SLC2A9: variants seen among roughly 807,000 people sequenced by gnomAD.
SLC2A9 encodes solute carrier family 2 member 9.
A neutral mutation model predicts 50.6 loss-of-function variants in SLC2A9; 39 were observed. The observed-to-expected ratio is 0.77, with a 90% CI of 0.60 to 1.01. The LOEUF (loss-of-function observed/expected upper bound fraction) is 1.01. SLC2A9 is among the 50% of genes least tolerant of loss of function. SLC2A9 has a pLI of 0.00. For missense variants in SLC2A9, 686 were observed against 677.6 expected (o/e 1.01, Z -0.14); for synonymous variants, 324 against 276.9 (o/e 1.17, Z -1.69).
chr4:9,792,348 T>G (rs867078534), intron 3 of SLC2A9, among the ~76,000 whole-genome samples: 13 of 151,020 alleles, frequency 8.6e-5, no homozygotes, highest in African/African-American at 3.2e-4. Flanking sequence ...GGATAGTTTT[T>G]TTTTTTTTTT....
chr4:9,968,691 A>C (rs1468973659), intron 5 of SLC2A9, among the ~76,000 whole-genome samples: 1 of 152,204 alleles, frequency 6.6e-6, no homozygotes, highest in Non-Finnish European at 1.5e-5. Context: ...AATACATACA[A>C]GTACTTTTTC....
intron 10 of SLC2A9, among the ~76,000 whole-genome samples, chr4:9,845,671 C>G (rs1051859785): frequency 6.6e-6 from 1 of 151,912 alleles, no homozygotes; most frequent in Non-Finnish European, 1.5e-5. Flanking sequence ...ACCTCGTGAT[C>G]CGCCCGCCTC....
intron 10 of SLC2A9, among the ~76,000 whole-genome samples, chr4:9,835,738 G>A (rs1350530597): frequency 6.6e-6 from 1 of 152,116 alleles, no homozygotes; most frequent in Admixed American, 6.5e-5. Context: ...ACCAAACATC[G>A]TATGTTGTCA....
chr4:9,883,183 A>G (rs1735549688), intron 10 of SLC2A9, among the ~76,000 whole-genome samples: 1 of 151,860 alleles, frequency 6.6e-6, no homozygotes, highest in South Asian at 2.1e-4. Context: ...ATCTGACTCT[A>G]TTATCTTATA....
chr4:9,973,224 A>C (rs1754202216), intron 5 of SLC2A9, among the ~76,000 whole-genome samples: 1 of 152,230 alleles, frequency 6.6e-6, no homozygotes, highest in Non-Finnish European at 1.5e-5. Context: ...GGAAACTCAC[A>C]ATTTCCCAAG....
intron 1 of SLC2A9, chr4:10,035,637 C>A (rs13145442): frequency 0.44 from 66,488 of 151,956 alleles, 16,145 homozygotes; most frequent in South Asian, 0.59. Flanking sequence ...GTGTCTGTGA[C>A]GGCGTTTCTG....
intron 1 of SLC2A9, among the ~76,000 whole-genome samples, chr4:9,774,047 T>G (rs370162885): frequency 1.4e-5 from 2 of 147,470 alleles, no homozygotes; most frequent in East Asian, 2.0e-4. Flanking sequence ...CAGGCTGGAG[T>G]GCAGTGGTGC....
At chr4:9,812,590 C>T (rs578184714) in intron 3 of SLC2A9, among the ~76,000 whole-genome samples, 1 of 151,814 alleles carries the variant, frequency 6.6e-6, no homozygotes, top group African/African-American at 2.4e-5. Flanking sequence ...GTCCTTTCTG[C>T]ATCTAGGTCT....
intron 3 of SLC2A9, among the ~76,000 whole-genome samples, chr4:9,809,769 G>A (rs146471048): frequency 6.6e-6 from 1 of 152,154 alleles, no homozygotes; most frequent in Non-Finnish European, 1.5e-5. Context: ...AATAAATTAC[G>A]GATATTGCTA....
At chr4:9,981,331 T>TG (rs1459931895) in intron 4 of SLC2A9, among the ~76,000 whole-genome samples, 1 of 142,708 alleles carries the variant, frequency 7.0e-6, no homozygotes. Flanking sequence ...ATAGTGATGG[T>TG]GTGGTGGTGG....
At chr4:9,875,259 T>C (rs1734121824) in intron 10 of SLC2A9, among the ~76,000 whole-genome samples, 1 of 148,564 alleles carries the variant, frequency 6.7e-6, no homozygotes, top group African/African-American at 2.5e-5. Context: ...GGATGCTGTG[T>C]CTTTAGAAAT....
intron 5 of SLC2A9, among the ~76,000 whole-genome samples, chr4:9,950,430 C>T (rs1038596118): frequency 1.3e-5 from 2 of 152,190 alleles, no homozygotes; most frequent in Admixed American, 1.3e-4. Flanking sequence ...ATTCCTAAAA[C>T]ATTTTCTATT....
intron 3 of SLC2A9, among the ~76,000 whole-genome samples, chr4:9,819,394 C>T (rs1016576903): frequency 6.6e-6 from 1 of 152,142 alleles, no homozygotes; most frequent in African/African-American, 2.4e-5. Flanking sequence ...TGGGATATCT[C>T]ATTGTAATTT....
In SLC2A9 at chr4:9,996,805, T is replaced by A. The variant is rs1343865224; in HGVS notation, c.386A>T (p.Lys129Met). ...IGGLVGTLIV[K>M]MIGKVLGRKH... is the part of the protein sequence containing the mutation. ...CCTCCCAAGAACCTTTCCAATCATC[T>A]TCACAATTAACGTCCCCACAAGTCC... Residue 129 changes from lysine (K) to methionine (M), a missense_variant, in exon 3 of 12, where the codon AAG becomes ATG. Coordinates refer to ENST00000264784, the MANE Select transcript of SLC2A9 (RefSeq NM_020041.3). 6.2e-7 allele frequency: 1 copy of A among 1,614,000 alleles called. No homozygotes were observed. The highest frequency in any genetic ancestry group is 1.1e-5 in the South Asian group (1 of 91,072).
chr4:10,001,001 C>T (rs2109330467), intron 2 of SLC2A9, among the ~76,000 whole-genome samples: 1 of 152,276 alleles, frequency 6.6e-6, no homozygotes, highest in Non-Finnish European at 1.5e-5. Flanking sequence ...TACTAAAGTC[C>T]TAACTCCCCA....
chr4:9,804,196 G>T (rs182210204), intron 3 of SLC2A9, among the ~76,000 whole-genome samples: 7 of 152,326 alleles, frequency 4.6e-5, no homozygotes, highest in African/African-American at 1.7e-4. Flanking sequence ...TGTCATGAAA[G>T]CTTTTGGAAG....
In SLC2A9 at chr4:9,826,467, T is replaced by C. The variant is rs1725147233; in HGVS notation, c.1553A>G (p.Asn518Ser). ...AEISQAFSKR[N>S]KAYPPEEKID... ...TTTCTCTTCTGGTGGGTATGCTTTG[T>C]TCCTTTTGGAAAATGCCTGGCTGAT... The change falls in exon 12 of 12, where the codon AAC (asparagine) becomes AGC (serine). Residue 518 changes from asparagine to serine, a missense_variant. Asn to Ser is a conservative substitution (Grantham distance 46). Transcript: ENST00000264784. 5 of 1,614,134 alleles carry C rather than the reference T, an allele frequency of 3.1e-6. No homozygotes were observed. Among genetic ancestry groups the C allele is most frequent in the Non-Finnish European group, 4.2e-6 (5 of 1,179,982 alleles).
In SLC2A9 at chr4:9,985,702, T is replaced by A; in HGVS notation, c.502A>T (p.Ile168Phe). The change falls in exon 4 of 12, where the codon ATC (isoleucine) becomes TTC (phenylalanine). Residue 168 changes from isoleucine (I) to phenylalanine (F), a missense_variant. Transcript: ENST00000264784. ...ATGCCCATGATGAAGCGTCCCACGA[T>A]GAGCATTTCAAAGGCTCCTGCCTGG... ...SLQAGAFEML[I>F]VGRFIMGIDG... 1 of 1,614,000 alleles carries A rather than the reference T, an allele frequency of 6.2e-7. No individual in the cohort carries two copies. Among genetic ancestry groups the A allele is most frequent in the Non-Finnish European group, 8.5e-7 (1 of 1,179,864 alleles).
At chr4:9,999,821 A>C (rs1209100338) in intron 2 of SLC2A9, among the ~76,000 whole-genome samples, 1 of 152,206 alleles carries the variant, frequency 6.6e-6, no homozygotes, top group Admixed American at 6.5e-5. Context: ...ACAGGAAGCC[A>C]GGCACACTTG....
Sources: gnomAD v4.1 joint callset for allele counts (sites outside exome capture counted in the v4.1 genomes callset) on GRCh38, gnomAD v4.1.1 for gene constraint, MANE v1.5 for transcripts, NCBI Gene and HGNC (gene_info 2026-07-23, HGNC 2026-07-21) for gene names.